Variants in ZNF606 observed in about 807,000 individuals in gnomAD.
ZNF606 encodes the protein zinc finger protein 606.
Under a neutral mutation model 74.9 loss-of-function variants are expected in ZNF606, and 37 were observed. The ratio of observed to expected loss-of-function variants is 0.49; its 90% CI spans 0.38 to 0.65. ZNF606 has a LOEUF of 0.65. ZNF606 is among the 30% of genes least tolerant of loss of function. The pLI is 0.00. For synonymous variants in ZNF606, 328 were observed against 312.4 expected (o/e 1.05, Z -0.53); for missense variants, 852 against 952.9 (o/e 0.89, Z 1.39).
At chr19:57,987,220 G>GT (rs1291324232) in intron 6 of ZNF606, among the ~76,000 whole-genome samples, 1 of 152,164 alleles carries the variant, frequency 6.6e-6, no homozygotes, top group African/African-American at 2.4e-5. Context: ...AGTAATGTGA[G>GT]TAACAGCAGG....
At chr19:57,988,493 C>T in intron 5 of ZNF606, 102 bp downstream of exon 5, 1 of 1,519,104 alleles carries the variant, frequency 6.6e-7, no homozygotes, top group Non-Finnish European at 8.9e-7. Context: ...CTCAGCTCTT[C>T]TGAGACACCA....
At chr19:57,987,828 AAAAC>A (rs2073187636) in intron 6 of ZNF606, among the ~76,000 whole-genome samples, 1 of 152,208 alleles carries the variant, frequency 6.6e-6, no homozygotes. Flanking sequence ...ACTTTATTTC[AAAAC>A]AAACAAACTA....
chr19:58,003,105 C>T (rs577983041), upstream of ZNF606: 9 of 409,616 alleles, frequency 2.2e-5, no homozygotes, highest in Non-Finnish European at 4.5e-5. Context: ...CCTCGTGGTA[C>T]CGGGTTTCCC....
Position 57,979,813 on chromosome 19 carries a change from G to A in ZNF606, c.867C>T (p.Phe289=). The A allele has an allele frequency of 6.2e-7, 1 of 1,613,306 alleles. No homozygotes were observed. The change falls in exon 7 of 7, where the codon TTC becomes TTT. Residue 289 remains phenylalanine (F), a synonymous_variant. Coordinates refer to ENST00000551380, the MANE Select transcript of ZNF606 (RefSeq NM_001348022.3). ...PARIQTGDNL[F]KCTDAVKSFN... ...AAGATTTAACAGCATCAGTACATTT[G>A]AAAAGATTATCTCCAGTTTGTATTC...
chr19:57,993,595 C>A (rs1302752411), intron 4 of ZNF606, among the ~76,000 whole-genome samples: 1 of 152,200 alleles, frequency 6.6e-6, no homozygotes, highest in African/African-American at 2.4e-5. Flanking sequence ...AGTCTGCACT[C>A]GCACAGCTTT....
intron 4 of ZNF606, among the ~76,000 whole-genome samples, chr19:57,995,751 G>A (rs138249232): frequency 4.1e-4 from 63 of 152,164 alleles, no homozygotes; most frequent in Non-Finnish European, 7.6e-4. Flanking sequence ...CCCGGGAGGC[G>A]GAGACTGCAG....
Position 58,002,666 on chromosome 19 carries a change from G to A in ZNF606, c.-322C>T, listed in dbSNP as rs1177691610. ...CCGACGGCAACGACGGCGCAAAGCC[G>A]GCGCGGAAAGGGCAGGCGCAGGACC... On this transcript the variant is annotated 5_prime_UTR_variant, in exon 1 of 7. Transcript: ENST00000551380. 2.2e-6 allele frequency: 1 copy of A among 454,108 alleles called. No individual in the cohort carries two copies. The highest frequency in any genetic ancestry group is 2.4e-5 in the Admixed American group (1 of 42,388). The allele number at this position is 454,108 out of a possible 1,614,324, so 28.1% of individuals were successfully genotyped here.
chr19:58,002,890 C>G (rs1231939048), upstream of ZNF606: 1 of 435,760 alleles, frequency 2.3e-6, no homozygotes, highest in Non-Finnish European at 4.6e-6. Flanking sequence ...GCAGCGGCGC[C>G]GCCATGACAG....
intron 4 of ZNF606, among the ~76,000 whole-genome samples, chr19:57,995,118 G>A (rs1028989756): frequency 4.7e-5 from 7 of 149,706 alleles, no homozygotes; most frequent in African/African-American, 1.5e-4. Context: ...TTGAACCCGC[G>A]AGGCAAGGTT....
intron 6 of ZNF606, among the ~76,000 whole-genome samples, chr19:57,983,395 T>C (rs1471564485): frequency 2.0e-5 from 3 of 151,842 alleles, no homozygotes; most frequent in South Asian, 4.2e-4. Context: ...GCCAGCATGG[T>C]GAAACCCCGT....
At chr19:57,998,559 G>A (rs563987414) in intron 4 of ZNF606, 152 of 152,250 alleles carry the variant, frequency 1.0e-3, no homozygotes, top group African/African-American at 3.4e-3. Flanking sequence ...GAGGGAGTAG[G>A]GGAAACAGGG....
rs546004655 is a variant in ZNF606, at chr19:57,988,797, A to C, written c.178-76T>G. The C allele has an allele frequency of 1.4e-5, 22 of 1,602,956 alleles. No individual in the cohort carries two copies. The South Asian group carries it at 2.3e-4, about 17-fold the overall frequency. ...TTTCCAGGGATGGAGTGAGGCTGAC[A>C]GCCCTGGGGAGAGAAGACAGGATGT... On this transcript the variant is annotated intron_variant, in intron 4 of 6. Transcript: ENST00000551380.
chr19:58,001,016 T>C (rs1007521691), intron 2 of ZNF606: 1 of 533,326 alleles, frequency 1.9e-6, no homozygotes, highest in African/African-American at 1.9e-5. Flanking sequence ...AATATTTTAT[T>C]ATATGTATCA....
At chr19:58,003,166 C>T (rs2073471974), upstream of ZNF606, 1 of 446,558 alleles carries the variant, frequency 2.2e-6, no homozygotes. Context: ...TTCCATTTGG[C>T]GTTCGCAAGA....
intron 5 of ZNF606, 63 bp from the exon 6 acceptor site, chr19:57,988,365 T>G: frequency 6.5e-7 from 1 of 1,528,284 alleles, no homozygotes; most frequent in Non-Finnish European, 9.0e-7. Context: ...AAAGAAAGCT[T>G]CTCTTGCCTA....
chr19:57,979,291 T>A lies in ZNF606; in HGVS notation c.1389A>T (p.Lys463Asn), dbSNP rs1254855926. The A allele has an allele frequency of 6.2e-7, 1 of 1,613,980 alleles. No homozygotes were observed. Among genetic ancestry groups the A allele is most frequent in the Non-Finnish European group, 8.5e-7 (1 of 1,180,020 alleles). ...TAAGATGAGAATTCCAGCTGAAGGC[T>A]TTTCCACATTTATTACATTCATAGG... is the stretch of plus-strand genomic sequence containing the variant. ...IKPYECNKCGKAFSWNSHLIV... is the reference protein window; with the variant it reads ...IKPYECNKCGNAFSWNSHLIV... Residue 463 changes from lysine to asparagine, a missense_variant, in exon 7 of 7, where the codon AAA becomes AAT. Coordinates refer to ENST00000551380, the MANE Select transcript of ZNF606 (RefSeq NM_001348022.3).
chr19:57,990,179 G>A (rs891091738), intron 4 of ZNF606, among the ~76,000 whole-genome samples: 96 of 149,762 alleles, frequency 6.4e-4, no homozygotes, highest in Non-Finnish European at 1.2e-3. Context: ...TGGCTAACAC[G>A]CGGTAAAACA....
At chr19:58,000,649 T>C (rs2123350081) in intron 3 of ZNF606, 34 bp downstream of exon 3, 1 of 1,612,892 alleles carries the variant, frequency 6.2e-7, no homozygotes, top group Middle Eastern at 1.7e-4. Context: ...GGCCACAATA[T>C]GGCAGCCCAC....
chr19:57,994,112 G>A (rs576790327), intron 4 of ZNF606, among the ~76,000 whole-genome samples: 1 of 152,184 alleles, frequency 6.6e-6, no homozygotes. Flanking sequence ...AGACCAGAGT[G>A]ATTTCAGTAT....
Sources: gnomAD v4.1 joint callset for allele counts (sites outside exome capture counted in the v4.1 genomes callset) on GRCh38, gnomAD v4.1.1 for gene constraint, MANE v1.5 for transcripts, NCBI Gene and HGNC (gene_info 2026-07-23, HGNC 2026-07-21) for gene names.